Variants in MACROD2 observed in about 807,000 individuals in gnomAD.
MACROD2 encodes the protein ADP-ribose glycohydrolase MACROD2.
A neutral mutation model predicts 70.4 loss-of-function variants in MACROD2; 36 were observed. The observed-to-expected ratio is 0.51, with a 90% CI of 0.39 to 0.68. The LOEUF (loss-of-function observed/expected upper bound fraction) is 0.68, where lower values mean the gene tolerates loss of function less well. Among genes scored for constraint, MACROD2 ranks in the 30% least tolerant of loss-of-function variants. The pLI, the probability that MACROD2 is intolerant of heterozygous loss-of-function variation, is 0.00. For missense variants in MACROD2, 496 were observed against 538.4 expected, an observed-to-expected ratio of 0.92 and a Z score of 0.78; for synonymous variants, 172 against 178.8, an observed-to-expected ratio of 0.96 and a Z score of 0.30.
At chr20:15,326,873 G>C (rs1469571435) in intron 6 of MACROD2, among the ~76,000 whole-genome samples, 1 of 152,130 alleles carries the variant, frequency 6.6e-6, no homozygotes, top group Admixed American at 6.6e-5. Context: ...AACTGGTGGA[G>C]AGCAAATCAG....
At chr20:14,261,836 T>C (rs1217988160) in intron 3 of MACROD2, among the ~76,000 whole-genome samples, 1 of 152,136 alleles carries the variant, frequency 6.6e-6, no homozygotes, top group African/African-American at 2.4e-5. Context: ...AGCCATGTAA[T>C]CAAAGTCTTC....
rs76433443 is a variant in MACROD2 at position 14,944,710 on chromosome 20, T to C, written c.418+259751T>C. ...GGGCAGATGTGGGATTCCTGGTGGC[T>C]TGAGAACCACTCACTTCACTGCTGC... is the stretch of plus-strand genomic sequence containing the variant. On this transcript the variant is annotated intron_variant, in intron 5 of 17. Transcript: ENST00000684519. 2.6e-3 allele frequency among the ~76,000 whole-genome samples: 394 copies of C among 152,286 alleles called. 2 individuals are homozygous for C. Among genetic ancestry groups the C allele is most frequent in the African/African-American group, 9.0e-3 (373 of 41,574 alleles).
chr20:15,865,353 G>A (rs200722456), intron 9 of MACROD2, among the ~76,000 whole-genome samples: 35 of 118,918 alleles, frequency 2.9e-4, no homozygotes, highest in Admixed American at 5.9e-4. Context: ...CAATAATAAT[G>A]ATTAATAATA....
chr20:14,817,704 AG>A (rs1310584164), intron 5 of MACROD2, among the ~76,000 whole-genome samples: 1 of 152,178 alleles, frequency 6.6e-6, no homozygotes, highest in African/African-American at 2.4e-5. Context: ...GAAATGAGAA[AG>A]GGGACAGCAA....
intron 5 of MACROD2, among the ~76,000 whole-genome samples, chr20:14,914,700 T>C (rs775541966): frequency 4.6e-5 from 7 of 152,200 alleles, no homozygotes; most frequent in Non-Finnish European, 1.0e-4. Context: ...TAAAAGTATA[T>C]CTACTATCTC....
chr20:14,069,461 A>G lies in MACROD2; in HGVS notation c.164-16160A>G, dbSNP rs538624949. On this transcript the variant is annotated intron_variant, in intron 2 of 17. Coordinates refer to ENST00000684519, the MANE Select transcript of MACROD2 (RefSeq NM_001351661.2). Reference sequence around the variant, plus strand: ...ACACAGTATATTTGTATATATTTATACCAGGCTGGCCTCCCTCAGTTATGT... The same window carrying G: ...ACACAGTATATTTGTATATATTTATGCCAGGCTGGCCTCCCTCAGTTATGT... Among the ~76,000 whole-genome samples the G allele has an allele frequency of 1.1e-3, 171 of 151,902 alleles. 2 individuals are homozygous for G. The highest frequency in any genetic ancestry group is 2.2e-3 in the Non-Finnish European group (149 of 67,982).
intron 3 of MACROD2, among the ~76,000 whole-genome samples, chr20:14,232,838 A>G (rs996466187): frequency 2.0e-5 from 3 of 152,274 alleles, no homozygotes; most frequent in African/African-American, 7.2e-5. Context: ...TGTTTGGCAC[A>G]TGAGGCCTAG....
At chr20:14,224,026 C>T (rs774118909) in intron 3 of MACROD2, among the ~76,000 whole-genome samples, 11 of 152,156 alleles carry the variant, frequency 7.2e-5, no homozygotes, top group Non-Finnish European at 1.3e-4. Flanking sequence ...GGCGGTGAGT[C>T]ATTTTCTGTT....
intron 8 of MACROD2, among the ~76,000 whole-genome samples, chr20:15,858,766 G>T (rs2064386781): frequency 6.6e-6 from 1 of 152,160 alleles, no homozygotes. Flanking sequence ...CATGGTGGTT[G>T]GGTACAAGAG....
intron 8 of MACROD2, among the ~76,000 whole-genome samples, chr20:15,544,059 C>T (rs1359312219): frequency 1.3e-5 from 2 of 152,122 alleles, no homozygotes; most frequent in Non-Finnish European, 2.9e-5. Flanking sequence ...AGTAAAGTCC[C>T]TGAGGGAAAG....
At chr20:14,089,442 T>C (rs1277623731) in intron 3 of MACROD2, among the ~76,000 whole-genome samples, 1 of 152,226 alleles carries the variant, frequency 6.6e-6, no homozygotes, top group Non-Finnish European at 1.5e-5. Context: ...TCACCTCCTA[T>C]TAGACTTCTG....
chr20:15,846,908 AAATT>A, intron 8 of MACROD2, among the ~76,000 whole-genome samples: 1 of 51,876 alleles, frequency 1.9e-5, no homozygotes, highest in Non-Finnish European at 3.7e-5. Flanking sequence ...GTCAAAAAAA[AAATT>A]ATATATATAT....
chr20:14,624,001 T>C (rs185118210), intron 4 of MACROD2, among the ~76,000 whole-genome samples: 1 of 152,358 alleles, frequency 6.6e-6, no homozygotes, highest in Non-Finnish European at 1.5e-5. Flanking sequence ...CAGGGCTATG[T>C]TGTCTGTCTT....
intron 3 of MACROD2, among the ~76,000 whole-genome samples, chr20:14,351,440 T>G (rs2122695122): frequency 6.6e-6 from 1 of 152,294 alleles, no homozygotes; most frequent in South Asian, 2.1e-4. Flanking sequence ...GTTTTATATT[T>G]TTAATTGTAC....
intron 8 of MACROD2, among the ~76,000 whole-genome samples, chr20:15,584,859 C>G (rs1393263290): frequency 2.6e-5 from 4 of 152,210 alleles, no homozygotes; most frequent in Admixed American, 2.0e-4. Context: ...CCTACAATGT[C>G]CCATCTCCCC....
At chr20:14,096,687 T>G (rs1160306336) in intron 3 of MACROD2, among the ~76,000 whole-genome samples, 2 of 152,190 alleles carry the variant, frequency 1.3e-5, no homozygotes, top group Admixed American at 6.5e-5. Context: ...TCTTTGCATA[T>G]ATGCCATATG....
chr20:15,743,421 G>GA lies in MACROD2; in HGVS notation c.646-119318dup, dbSNP rs34415679. On this transcript the variant is annotated intron_variant, in intron 8 of 17. Coordinates refer to ENST00000684519, the MANE Select transcript of MACROD2 (RefSeq NM_001351661.2). ...TTACAGCTAGTTTGACGCAGCCTAG[G>GA]AAAAAAGGGTACTGGAATGCAAAAA... is the stretch of plus-strand genomic sequence containing the variant. Among the ~76,000 whole-genome samples, 5 of 151,928 alleles carry GA rather than the reference G, an allele frequency of 3.3e-5. No homozygotes were observed. In the East Asian group the frequency reaches 9.6e-4, roughly 29 times the overall value.
chr20:15,375,748 TAATTA>T (rs1461746309), intron 6 of MACROD2, among the ~76,000 whole-genome samples: 1 of 152,208 alleles, frequency 6.6e-6, no homozygotes, highest in Non-Finnish European at 1.5e-5. Flanking sequence ...TTAGCTCATT[TAATTA>T]AATTATCATA....
intron 5 of MACROD2, among the ~76,000 whole-genome samples, chr20:15,083,527 T>G (rs191671631): frequency 5.1e-4 from 77 of 152,324 alleles, no homozygotes; most frequent in African/African-American, 1.8e-3. Flanking sequence ...GTTTGTACTC[T>G]TGTCTTCTTT....
Sources: gnomAD v4.1 joint callset for allele counts (sites outside exome capture counted in the v4.1 genomes callset) on GRCh38, gnomAD v4.1.1 for gene constraint, MANE v1.5 for transcripts, NCBI Gene and HGNC (gene_info 2026-07-23, HGNC 2026-07-21) for gene names.